Variants in CCDC102B observed in about 807,000 individuals in gnomAD.
The protein encoded by CCDC102B is coiled-coil domain-containing protein 102B.
Under a neutral mutation model 57.4 loss-of-function variants are expected in CCDC102B, and 75 were observed. The ratio of observed to expected loss-of-function variants is 1.31; its 90% CI spans 1.08 to 1.58. The LOEUF is 1.58. Ranked by LOEUF, CCDC102B falls within the 40% of genes most tolerant of loss-of-function variation. The pLI is 0.00. For synonymous variants in CCDC102B, 206 were observed against 201.9 expected (o/e 1.02, Z -0.17); for missense variants, 636 against 582.6 (o/e 1.09, Z -0.94).
intron 5 of CCDC102B, among the ~76,000 whole-genome samples, chr18:68,878,906 G>A (rs1599621665): frequency 6.6e-6 from 1 of 152,306 alleles, no homozygotes; most frequent in East Asian, 1.9e-4. Context: ...GACCCTCGTG[G>A]TGAGTGTTAC....
At chr18:68,808,301 A>G (rs919347741) in intron 1 of CCDC102B, among the ~76,000 whole-genome samples, 7 of 152,014 alleles carry the variant, frequency 4.6e-5, no homozygotes, top group Admixed American at 1.3e-4. Flanking sequence ...TACAAATCAG[A>G]TTACAGTGGC....
chr18:68,930,364 G>C (rs1037222627), intron 6 of CCDC102B, among the ~76,000 whole-genome samples: 2 of 151,484 alleles, frequency 1.3e-5, no homozygotes, highest in African/African-American at 4.8e-5. Flanking sequence ...TGGGATACCG[G>C]CAAAGGAAAA....
At chr18:68,824,303 A>G (rs936866273) in intron 1 of CCDC102B, among the ~76,000 whole-genome samples, 3 of 152,298 alleles carry the variant, frequency 2.0e-5, no homozygotes, top group Non-Finnish European at 4.4e-5. Flanking sequence ...CATGTATTGC[A>G]CGAGGAGGCC....
intron 6 of CCDC102B, among the ~76,000 whole-genome samples, chr18:68,997,105 C>T (rs2051049084): frequency 6.6e-6 from 1 of 152,154 alleles, no homozygotes; most frequent in Admixed American, 6.5e-5. Context: ...AGGTGCCTTG[C>T]TTCCCCTTTG....
At chr18:69,000,552 A>G (rs577526330) in intron 6 of CCDC102B, among the ~76,000 whole-genome samples, 99 of 152,332 alleles carry the variant, frequency 6.5e-4, no homozygotes, top group Middle Eastern at 3.4e-3. Flanking sequence ...ACACACATAC[A>G]GAGTATGACT....
intron 7 of CCDC102B, among the ~76,000 whole-genome samples, chr18:69,041,421 A>G (rs1342881735): frequency 6.6e-6 from 1 of 152,088 alleles, no homozygotes; most frequent in Non-Finnish European, 1.5e-5. Context: ...GCTATATTAC[A>G]TAACCATTTC....
chr18:68,895,953 A>G (rs2040227718), intron 5 of CCDC102B, among the ~76,000 whole-genome samples: 1 of 151,932 alleles, frequency 6.6e-6, no homozygotes, highest in Non-Finnish European at 1.5e-5. Context: ...AATTTATATT[A>G]CCACAGTGTT....
At chr18:69,022,685 C>T (rs150679701) in intron 7 of CCDC102B, among the ~76,000 whole-genome samples, 7 of 152,168 alleles carry the variant, frequency 4.6e-5, no homozygotes, top group Non-Finnish European at 1.0e-4. Flanking sequence ...TTATCCTCAT[C>T]CCCCACTCCC....
intron 7 of CCDC102B, among the ~76,000 whole-genome samples, chr18:69,036,178 T>G (rs552709804): frequency 1.4e-3 from 207 of 152,264 alleles, no homozygotes; most frequent in Non-Finnish European, 2.2e-3. Flanking sequence ...TCTAACAGGC[T>G]TTTGTAGCCA....
intron 6 of CCDC102B, among the ~76,000 whole-genome samples, chr18:68,968,119 A>C (rs2050208671): frequency 6.6e-6 from 1 of 152,204 alleles, no homozygotes; most frequent in African/African-American, 2.4e-5. Flanking sequence ...GGACATTCTT[A>C]GAATTGTGTT....
intron 7 of CCDC102B, among the ~76,000 whole-genome samples, chr18:69,046,662 T>G (rs2052575648): frequency 6.6e-6 from 1 of 152,170 alleles, no homozygotes; most frequent in South Asian, 2.1e-4. Flanking sequence ...TCATGAAATA[T>G]TTGTCAGGTC....
rs763825215 is a variant in CCDC102B, at chr18:68,837,264, C to T, written c.501C>T (p.Ser167=). 4 of 1,613,960 alleles carry T rather than the reference C, an allele frequency of 2.5e-6. No individual in the cohort carries two copies. In the African/African-American group the frequency reaches 5.3e-5, roughly 22 times the overall value. Residue 167 remains serine (S), a synonymous_variant, in exon 2 of 8, where the codon TCC becomes TCT. Transcript: ENST00000360242. ...DLKLPGFVEE[S]CEHTDQFQLS... ...AGCTTCCTGGCTTCGTAGAAGAATC[C>T]TGTGAACATACAGACCAATTTCAAT...
chr18:68,791,814 A>T (rs1313753384), intron 2 of CCDC102B, among the ~76,000 whole-genome samples: 1 of 152,194 alleles, frequency 6.6e-6, no homozygotes, highest in Non-Finnish European at 1.5e-5. Flanking sequence ...GCCTAAGACC[A>T]CACAGCTGAC....
intron 2 of CCDC102B, among the ~76,000 whole-genome samples, chr18:68,761,787 A>G (rs2034261989): frequency 6.6e-6 from 1 of 152,046 alleles, no homozygotes; most frequent in Non-Finnish European, 1.5e-5. Flanking sequence ...ATTTAATTTG[A>G]GAAGTTTAGT....
At chr18:68,970,822 T>C (rs17079999) in intron 6 of CCDC102B, among the ~76,000 whole-genome samples, 3,688 of 152,112 alleles carry the variant, frequency 0.024, 119 homozygotes, top group East Asian at 0.15. Flanking sequence ...AATTGGGAAG[T>C]AGGTAAATAA....
intron 6 of CCDC102B, among the ~76,000 whole-genome samples, chr18:68,947,945 T>G (rs1051888802): frequency 6.6e-6 from 1 of 152,124 alleles, no homozygotes. Context: ...TTTTTTCTTA[T>G]GTAAGGGAAG....
At chr18:68,943,862 G>A (rs909996699) in intron 6 of CCDC102B, among the ~76,000 whole-genome samples, 1 of 152,122 alleles carries the variant, frequency 6.6e-6, no homozygotes, top group African/African-American at 2.4e-5. Context: ...TTCTACAGAC[G>A]TAAAAACCTG....
At chr18:68,765,315 AGGAAGGAAGG>A (rs1275951250) in intron 2 of CCDC102B, among the ~76,000 whole-genome samples, 1,563 of 70,540 alleles carry the variant, frequency 0.022, 25 homozygotes, top group African/African-American at 0.045. Context: ...GAAGGAAGGA[AGGAAGGAAGG>A]AAAGAAAGAA....
chr18:68,850,406 T>C (rs2038069144), intron 4 of CCDC102B, among the ~76,000 whole-genome samples: 1 of 152,094 alleles, frequency 6.6e-6, no homozygotes, highest in Admixed American at 6.6e-5. Context: ...CTCTGTCCTA[T>C]GTCCTTGAGA....
Sources: allele counts gnomAD v4.1 joint callset (sites outside exome capture counted in the v4.1 genomes callset), GRCh38; gene constraint gnomAD v4.1.1; transcripts MANE v1.5; gene names NCBI Gene and HGNC (gene_info 2026-07-23, HGNC 2026-07-21).